Variants in CNGA3 observed in about 807,000 individuals in gnomAD.
The protein encoded by CNGA3 is cyclic nucleotide gated channel subunit alpha 3, also known as cyclic nucleotide-gated channel alpha-3.
In CNGA3, 42 loss-of-function variants were observed where a neutral mutation model predicts 46.6. That is an observed-to-expected ratio of 0.90 (90% CI 0.70 to 1.17). CNGA3 has a LOEUF of 1.17. Ranked by LOEUF, CNGA3 falls within the 50% of genes most tolerant of loss-of-function variation. The pLI, the probability that CNGA3 is intolerant of heterozygous loss-of-function variation, is 0.00. For missense variants in CNGA3, 893 were observed against 890.7 expected, an observed-to-expected ratio of 1.00 and a Z score of -0.03; for synonymous variants, 394 against 369.4, an observed-to-expected ratio of 1.07 and a Z score of -0.76.
At position 98,383,390 on chromosome 2, in the gene CNGA3, C is replaced by G. The variant is rs1428457344; in HGVS notation, c.398C>G (p.Ala133Gly). 1 of 1,614,086 alleles carries G rather than the reference C, an allele frequency of 6.2e-7. No homozygotes were observed. Among genetic ancestry groups the G allele is most frequent in the East Asian group, 2.2e-5 (1 of 44,880 alleles). ...SQEPADRGRS[A>G]WPLAKCNTNT... ...ATGTTCTCTCTACCTTCCCGCAGCGCCTGGCCCCTGGCCAAATGCAACACT... is the reference window on the plus strand; with the variant it reads ...ATGTTCTCTCTACCTTCCCGCAGCGGCTGGCCCCTGGCCAAATGCAACACT... The change falls in exon 5 of 8, where the codon GCC becomes GGC. Residue 133 changes from alanine (A) to glycine (G), a missense_variant and splice_region_variant. Physicochemically the swap from Ala to Gly is moderately conservative, Grantham distance 60. Around this residue, in one of 3 missense-constraint regions of CNGA3, gnomAD observed 333 missense variants for 290.8 expected, o/e 1.15. Coordinates refer to ENST00000272602, the MANE Select transcript of CNGA3 (RefSeq NM_001298.3).
chr2:98,346,636 C>T (rs929585035), intron 1 of CNGA3, 102 bp downstream of exon 1: 10 of 394,436 alleles, frequency 2.5e-5, no homozygotes, highest in Non-Finnish European at 4.0e-5. Flanking sequence ...GAGAACCACA[C>T]GCAGGGGAGG....
intron 3 of CNGA3, chr2:98,378,367 C>T: frequency 1.1e-6 from 1 of 891,324 alleles, no homozygotes; most frequent in African/African-American, 1.7e-5. Context: ...TCTAGAAATG[C>T]ATCTAACAGT....
At chr2:98,376,628 T>C (rs1692411486) in intron 2 of CNGA3, among the ~76,000 whole-genome samples, 1 of 152,140 alleles carries the variant, frequency 6.6e-6, no homozygotes, top group Admixed American at 6.6e-5. Flanking sequence ...ATGCAAGGAC[T>C]CTGACTTCTA....
chr2:98,386,040 A>T (rs902469549), intron 5 of CNGA3, among the ~76,000 whole-genome samples: 10 of 152,200 alleles, frequency 6.6e-5, no homozygotes, highest in African/African-American at 2.4e-4. Flanking sequence ...GGCTTATAAA[A>T]TAAGGATTGT....
At chr2:98,368,613 T>G (rs760425833) in intron 1 of CNGA3, among the ~76,000 whole-genome samples, 11 of 152,184 alleles carry the variant, frequency 7.2e-5, no homozygotes, top group Non-Finnish European at 1.3e-4. Flanking sequence ...CCTTCCCCAC[T>G]GCCTAGACAG....
Position 98,397,848 on chromosome 2 carries a change from C to G in CNGA3, c.*593C>G, listed in dbSNP as rs1392336436. ...GTTCTGCCGGATGGAAAGAGGCTGC[C>G]CCATTTGAGGTCATTTAAAATCTGT... On this transcript the variant is annotated 3_prime_UTR_variant, in exon 8 of 8. Transcript: ENST00000272602. 1 of 156,020 alleles carries G rather than the reference C, an allele frequency of 6.4e-6. No individual in the cohort carries two copies. Among genetic ancestry groups the G allele is most frequent in the Non-Finnish European group, 1.4e-5 (1 of 70,252 alleles). The allele number at this position is 156,020 out of a possible 1,614,324, so 9.7% of individuals were successfully genotyped here.
intron 1 of CNGA3, among the ~76,000 whole-genome samples, chr2:98,367,470 G>A (rs1322885242): frequency 1.3e-5 from 2 of 152,130 alleles, no homozygotes; most frequent in African/African-American, 2.4e-5. Flanking sequence ...CGGGGATTAC[G>A]GGCGTGAGCT....
At chr2:98,395,183 T>C (rs1020191270) in intron 7 of CNGA3, among the ~76,000 whole-genome samples, 10 of 152,262 alleles carry the variant, frequency 6.6e-5, no homozygotes, top group African/African-American at 9.6e-5. Flanking sequence ...TTTTTTTTTT[T>C]CAAAGACTCA....
chr2:98,388,161 C>A (rs1045359646), intron 5 of CNGA3, among the ~76,000 whole-genome samples: 2 of 152,170 alleles, frequency 1.3e-5, no homozygotes, highest in Admixed American at 6.5e-5. Context: ...GACGTCTCCA[C>A]GACGCCACAC....
intron 1 of CNGA3, among the ~76,000 whole-genome samples, chr2:98,356,224 G>C (rs112708953): frequency 0.042 from 6,443 of 152,284 alleles, 170 homozygotes; most frequent in Non-Finnish European, 0.062. Context: ...AGTTTAATTT[G>C]ATGAAGCGAG....
chr2:98,361,688 A>G (rs1692035945), intron 1 of CNGA3, among the ~76,000 whole-genome samples: 1 of 149,312 alleles, frequency 6.7e-6, no homozygotes, highest in Non-Finnish European at 1.5e-5. Flanking sequence ...CCCACAAGCA[A>G]CTGTCCTTTT....
intron 5 of CNGA3, among the ~76,000 whole-genome samples, chr2:98,385,952 G>C (rs1183270275): frequency 2.0e-5 from 3 of 152,148 alleles, no homozygotes; most frequent in Non-Finnish European, 4.4e-5. Context: ...CAAACCATGA[G>C]AAATCCACCA....
chr2:98,374,071 G>A (rs1692350884), intron 2 of CNGA3, among the ~76,000 whole-genome samples: 2 of 152,300 alleles, frequency 1.3e-5, no homozygotes, highest in South Asian at 4.1e-4. Flanking sequence ...GTATTCCCCA[G>A]CCTTGTGCTG....
In CNGA3 at chr2:98,383,448, A is replaced by G. The variant is rs1692581904; in HGVS notation, c.449+7A>G. The G allele has an allele frequency of 6.2e-7, 1 of 1,614,002 alleles. No individual in the cohort carries two copies. The highest frequency in any genetic ancestry group is 1.3e-5 in the African/African-American group (1 of 74,898). ...GCAACAACACGGAGGAGGAGTAAGT[A>G]CCCACACACCCAGCAGAGCCCTCCC... On this transcript the variant is annotated splice_region_variant and intron_variant, in intron 5 of 7. Coordinates refer to ENST00000272602, the MANE Select transcript of CNGA3 (RefSeq NM_001298.3).
At chr2:98,368,015 T>C (rs996462784) in intron 1 of CNGA3, among the ~76,000 whole-genome samples, 3 of 152,254 alleles carry the variant, frequency 2.0e-5, no homozygotes, top group African/African-American at 4.8e-5. Context: ...AGAACAGGCT[T>C]CGTTTTATTT....
intron 1 of CNGA3, among the ~76,000 whole-genome samples, chr2:98,354,116 A>G (rs1691826851): frequency 6.6e-6 from 1 of 152,224 alleles, no homozygotes; most frequent in Admixed American, 6.5e-5. Flanking sequence ...ACTTTAAGTC[A>G]TCTCTAGATT....
intron 1 of CNGA3, among the ~76,000 whole-genome samples, chr2:98,353,363 T>A (rs1290808523): frequency 3.9e-5 from 6 of 152,220 alleles, no homozygotes. Context: ...TTTTATTTCC[T>A]CCACCTAGGT....
chr2:98,389,153 G>A (rs1179716136), intron 5 of CNGA3, among the ~76,000 whole-genome samples: 1 of 152,204 alleles, frequency 6.6e-6, no homozygotes, highest in Non-Finnish European at 1.5e-5. Flanking sequence ...TGAGGGAGGT[G>A]GAGAGGGTTC....
At chr2:98,374,836 C>A (rs913949757) in intron 2 of CNGA3, among the ~76,000 whole-genome samples, 2 of 152,238 alleles carry the variant, frequency 1.3e-5, no homozygotes, top group African/African-American at 4.8e-5. Context: ...AATGGGCCCC[C>A]CCATCAGGCC....
Sources: allele counts gnomAD v4.1 joint callset (sites outside exome capture counted in the v4.1 genomes callset), GRCh38; gene constraint gnomAD v4.1.1; regional missense constraint gnomAD v4.1.1; transcripts MANE v1.5; gene names NCBI Gene and HGNC (gene_info 2026-07-23, HGNC 2026-07-21).